METTL9: variants seen among roughly 807,000 people sequenced by gnomAD.
METTL9 encodes the protein protein-L-histidine N-pros-methyltransferase.
In METTL9, 10 loss-of-function variants were observed where a neutral mutation model predicts 36.0. That is an observed-to-expected ratio of 0.28 (90% CI 0.17 to 0.47). The LOEUF (loss-of-function observed/expected upper bound fraction) is 0.47. Among genes scored for constraint, METTL9 ranks in the 20% least tolerant of loss-of-function variants. The pLI, the probability that METTL9 is intolerant of heterozygous loss-of-function variation, is 0.99. For missense variants in METTL9, 246 were observed against 383.5 expected (o/e 0.64, Z 3.00); for synonymous variants, 175 against 149.7 (o/e 1.17, Z -1.23).
At chr16:21,607,675 A>C (rs1965323122) in intron 1 of METTL9, among the ~76,000 whole-genome samples, 1 of 152,222 alleles carries the variant, frequency 6.6e-6, no homozygotes, top group Non-Finnish European at 1.5e-5. Context: ...CATTTGAGTG[A>C]GCTTTAAAGG....
intron 1 of METTL9, among the ~76,000 whole-genome samples, chr16:21,606,679 A>G (rs1965296841): frequency 6.6e-6 from 1 of 152,138 alleles, no homozygotes; most frequent in South Asian, 2.1e-4. Flanking sequence ...TCCCACCCCT[A>G]TCAGGAGTCA....
chr16:21,632,698 G>C (rs1259928103), intron 4 of METTL9, among the ~76,000 whole-genome samples: 2 of 152,144 alleles, frequency 1.3e-5, no homozygotes, highest in African/African-American at 4.8e-5. Flanking sequence ...CTTACATCAT[G>C]AGTAGTCCAG....
rs954304245 is a variant in METTL9, at chr16:21,656,707, T to C, written c.*1275T>C. 1.3e-5 allele frequency: 2 copies of C among 152,198 alleles called. No homozygotes were observed. Among genetic ancestry groups the C allele is most frequent in the African/African-American group, 4.8e-5 (2 of 41,444 alleles). The allele number at this position is 152,198 out of a possible 1,614,324, so 9.4% of individuals were successfully genotyped here. On this transcript the variant is annotated 3_prime_UTR_variant, in exon 5 of 5. Coordinates refer to ENST00000358154, the MANE Select transcript of METTL9 (RefSeq NM_016025.5). ...CAGGTGTTTCATTAAGTATTCTCAT[T>C]TATATGCTCATAGAAGTCATCAGAT...
intron 4 of METTL9, among the ~76,000 whole-genome samples, chr16:21,648,271 C>T (rs1191431260): frequency 1.3e-5 from 2 of 152,220 alleles, no homozygotes; most frequent in East Asian, 3.9e-4. Context: ...GAGTTCAAAT[C>T]CTAGCTCTGC....
At chr16:21,599,194 G>A (rs1965023182), upstream of METTL9, among the ~76,000 whole-genome samples, 1 of 151,908 alleles carries the variant, frequency 6.6e-6, no homozygotes, top group South Asian at 2.1e-4. The surrounding 1 kb of genome is among the most constrained non-coding windows in gnomAD (Gnocchi z 4.4). Context: ...TGAGGGTCGA[G>A]AGGTAACCCT....
chr16:21,623,845 A>G (rs1481988809), intron 3 of METTL9, among the ~76,000 whole-genome samples: 1 of 152,060 alleles, frequency 6.6e-6, no homozygotes, highest in East Asian at 1.9e-4. Context: ...ATCTCGGCTC[A>G]CTGCAGCCTC....
intron 4 of METTL9, among the ~76,000 whole-genome samples, chr16:21,638,356 G>C (rs1235863131): frequency 6.6e-6 from 1 of 152,138 alleles, no homozygotes; most frequent in Non-Finnish European, 1.5e-5. Context: ...TTCTTTTCTG[G>C]ATGCTCAGAT....
At chr16:21,623,219 C>CT (rs1170325886) in intron 3 of METTL9, among the ~76,000 whole-genome samples, 2 of 152,204 alleles carry the variant, frequency 1.3e-5, no homozygotes, top group Non-Finnish European at 2.9e-5. Context: ...AGTAAGGAAT[C>CT]TGACTAGTCC....
intron 2 of METTL9, among the ~76,000 whole-genome samples, chr16:21,616,471 G>A (rs187094480): frequency 9.8e-5 from 15 of 152,300 alleles, no homozygotes; most frequent in African/African-American, 3.6e-4. Flanking sequence ...TAGAAAACAA[G>A]TCCTAAATAG....
upstream of METTL9, chr16:21,597,263 G>T (rs548006533): frequency 4.7e-6 from 6 of 1,289,002 alleles, no homozygotes; most frequent in South Asian, 3.7e-5. Flanking sequence ...TAGATGGATC[G>T]AAAGACCACG....
chr16:21,637,950 A>C (rs962548357), intron 4 of METTL9, among the ~76,000 whole-genome samples: 1 of 152,264 alleles, frequency 6.6e-6, no homozygotes, highest in Non-Finnish European at 1.5e-5. Context: ...TTGTTTTTGC[A>C]GCTCGAAGTA....
intron 4 of METTL9, chr16:21,627,447 C>T (rs1965840789): frequency 2.2e-6 from 2 of 906,624 alleles, no homozygotes; most frequent in Admixed American, 6.2e-5. Flanking sequence ...GTTTACTGAC[C>T]CAGTTTTGGC....
intron 1 of METTL9, among the ~76,000 whole-genome samples, chr16:21,607,903 CT>C (rs1471567882): frequency 6.6e-6 from 1 of 152,176 alleles, no homozygotes; most frequent in East Asian, 1.9e-4. Context: ...AATCCTAGCA[CT>C]TTGCGAGGCC....
chr16:21,647,466 C>T, intron 4 of METTL9: 1 of 1,613,780 alleles, frequency 6.2e-7, no homozygotes, highest in East Asian at 2.2e-5. Flanking sequence ...GGTTGTGTGA[C>T]AGAGAGAGTA....
chr16:21,644,113 G>C (rs1439772269), intron 4 of METTL9, among the ~76,000 whole-genome samples: 1 of 152,212 alleles, frequency 6.6e-6, no homozygotes, highest in African/African-American at 2.4e-5. Flanking sequence ...TGATGAGAAT[G>C]TATGATGCCT....
chr16:21,655,500 T>C lies in METTL9; in HGVS notation c.*68T>C. 1 of 1,390,650 alleles carries C rather than the reference T, an allele frequency of 7.2e-7. No individual in the cohort carries two copies. Among genetic ancestry groups the C allele is most frequent in the South Asian group, 1.3e-5 (1 of 77,290 alleles). 86.1% of individuals were successfully genotyped at this position (1,390,650 alleles called of 1,614,324 possible). On this transcript the variant is annotated 3_prime_UTR_variant, in exon 5 of 5. Coordinates refer to ENST00000358154, the MANE Select transcript of METTL9 (RefSeq NM_016025.5). ...TGTGCCCTTGGAAGAGGGTCTGTGT[T>C]CACAATTACGTGAAGGGAGGACCCT...
chr16:21,610,521 T>C (rs1035376406), intron 1 of METTL9, among the ~76,000 whole-genome samples: 2 of 152,244 alleles, frequency 1.3e-5, no homozygotes, highest in African/African-American at 4.8e-5. Flanking sequence ...AGAGCTTTGC[T>C]CTATTTTTGT....
chr16:21,629,416 CCTAGAA>C (rs1965890325), intron 4 of METTL9, among the ~76,000 whole-genome samples: 1 of 152,136 alleles, frequency 6.6e-6, no homozygotes, highest in African/African-American at 2.4e-5. Flanking sequence ...GCAGCCTGTA[CCTAGAA>C]AGAGGGTCCT....
chr16:21,639,541 A>C (rs762210041), intron 4 of METTL9: 10 of 152,262 alleles, frequency 6.6e-5, no homozygotes, highest in Non-Finnish European at 1.2e-4. Flanking sequence ...TGCAGAGTAC[A>C]CAAGACAGTT....
Sources: gnomAD v4.1 joint callset for allele counts (sites outside exome capture counted in the v4.1 genomes callset) on GRCh38, gnomAD v4.1.1 for gene constraint, Gnocchi (gnomAD v3.1) non-coding constraint, MANE v1.5 for transcripts, NCBI Gene and HGNC (gene_info 2026-07-23, HGNC 2026-07-21) for gene names.